The following LRRC9 variants were observed in gnomAD, a reference collection of about 807,000 sequenced individuals.
The protein encoded by LRRC9 is leucine rich repeat containing 9.
LRRC9 carries 122 observed loss-of-function variants against 63.2 expected under a neutral mutation model. That is an observed-to-expected ratio of 1.93 (90% CI 1.67 to 2.24). LRRC9 has a LOEUF of 2.24. Ranked by LOEUF, LRRC9 falls within the 30% of genes most tolerant of loss-of-function variation. The probability of loss-of-function intolerance (pLI) is 0.00; values close to 1 mark genes in which losing one functional copy is unlikely to be tolerated. For synonymous variants in LRRC9, 366 were observed against 213.1 expected (o/e 1.72, Z -6.25); for missense variants, 1,071 against 627.7 (o/e 1.71, Z -7.55).
At chr14:60,015,442 C>T (rs77046458) in intron 23 of LRRC9, among the ~76,000 whole-genome samples, 2 of 152,078 alleles carry the variant, frequency 1.3e-5, no homozygotes, top group East Asian at 1.9e-4. Flanking sequence ...AGTGAGAAGA[C>T]GAGGAACAAC....
In LRRC9 at chr14:59,930,399, T is replaced by A. The variant is rs1889597227; in HGVS notation, c.268-519T>A. ...AAGCTACTTGTTGCAGCATTATTTA[T>A]AACTAAAAATTTGAAACATAAATAT... On this transcript the variant is annotated intron_variant, in intron 3 of 31. Transcript: ENST00000445360. The surrounding 1 kb of genome is among the most constrained non-coding windows in gnomAD (Gnocchi z 4.9). Among the ~76,000 whole-genome samples, 1 of 152,044 alleles carries A rather than the reference T, an allele frequency of 6.6e-6. No homozygotes were observed. Among genetic ancestry groups the A allele is most frequent in the South Asian group, 2.1e-4 (1 of 4,834 alleles).
At chr14:59,931,827 C>T (rs1889727701) in intron 5 of LRRC9, 142 bp from the exon 6 acceptor site, 1 of 606,862 alleles carries the variant, frequency 1.6e-6, no homozygotes, top group African/African-American at 1.9e-5. Flanking sequence ...AAATATTACT[C>T]ATTAATCAGT....
intron 6 of LRRC9, among the ~76,000 whole-genome samples, chr14:59,935,289 G>T (rs1315322671): frequency 1.7e-5 from 2 of 119,592 alleles, no homozygotes; most frequent in Admixed American, 8.5e-5. Context: ...GTGAGACTAG[G>T]TCTCAAAAAA....
chr14:59,993,175 G>C (rs975949119), intron 17 of LRRC9, among the ~76,000 whole-genome samples: 1 of 152,166 alleles, frequency 6.6e-6, no homozygotes, highest in Non-Finnish European at 1.5e-5. Flanking sequence ...TTAAAGAAAA[G>C]AATTTTCAAC....
rs922283976 is a variant in LRRC9, at chr14:59,919,956, A to C, written c.-34+73A>C. ...GCTCCCGCCGTTTCCCAGGAGCCCC[A>C]GGTGGGGTCTTCCGGTTGGACCCCT... On this transcript the variant is annotated intron_variant, in intron 1 of 31. Coordinates refer to ENST00000445360, the Ensembl canonical transcript of LRRC9. This position sits in a 1 kb window ranked among gnomAD's most constrained non-coding sequence, Gnocchi z 4.5. 3.3e-5 allele frequency: 5 copies of C among 152,244 alleles called. No homozygotes were observed. Among genetic ancestry groups the C allele is most frequent in the Admixed American group, 3.3e-4 (5 of 15,290 alleles). The allele number at this position is 152,244 out of a possible 1,614,324, so 9.4% of individuals were successfully genotyped here.
chr14:59,982,581 C>T (rs765497259), intron 16 of LRRC9, among the ~76,000 whole-genome samples: 9 of 151,998 alleles, frequency 5.9e-5, no homozygotes, highest in Non-Finnish European at 1.3e-4. Flanking sequence ...AGATAATAGA[C>T]CCACTCCTCT....
At chr14:60,007,296 T>C (rs1360125166) in intron 22 of LRRC9, among the ~76,000 whole-genome samples, 7 of 152,288 alleles carry the variant, frequency 4.6e-5, no homozygotes, top group African/African-American at 1.7e-4. Context: ...GGCAACCTAA[T>C]CAACAACACC....
chr14:59,944,535 AT>A (rs1435530924), intron 7 of LRRC9, 53 bp from the exon 8 acceptor site: 3 of 530,286 alleles, frequency 5.7e-6, no homozygotes, highest in Non-Finnish European at 9.8e-6. Context: ...ACCACTAACA[AT>A]TGCCTATAAT....
chr14:59,964,966 A>T lies in LRRC9; in HGVS notation c.1212-1623A>T, dbSNP rs542182034. 6.6e-6 allele frequency among the ~76,000 whole-genome samples: 1 copy of T among 152,332 alleles called. No individual in the cohort carries two copies. Among genetic ancestry groups the T allele is most frequent in the Admixed American group, 6.5e-5 (1 of 15,300 alleles). ...TATAGATGCCCTAAGTTAGGAGCTC[A>T]GCTATTAGGCTCAAGGAGAGACTAC... is the stretch of plus-strand genomic sequence containing the variant. On this transcript the variant is annotated intron_variant, in intron 10 of 31. Coordinates refer to ENST00000445360, the Ensembl canonical transcript of LRRC9. The surrounding 1 kb of genome is among the most constrained non-coding windows in gnomAD (Gnocchi z 4.4).
intron 8 of LRRC9, among the ~76,000 whole-genome samples, chr14:59,954,473 G>A (rs1883516158): frequency 6.6e-6 from 1 of 152,106 alleles, no homozygotes; most frequent in Non-Finnish European, 1.5e-5. Flanking sequence ...TCTATTATTG[G>A]TGTATAGGAA....
intron 25 of LRRC9, 131 bp downstream of exon 25, chr14:60,018,610 G>GT (rs902866787): frequency 9.4e-6 from 4 of 426,310 alleles, no homozygotes; most frequent in African/African-American, 4.3e-5. Flanking sequence ...GTTTTTTTTT[G>GT]TTTTTTACTA....
At chr14:60,008,868 T>C (rs1054392709) in intron 23 of LRRC9, among the ~76,000 whole-genome samples, 1 of 152,164 alleles carries the variant, frequency 6.6e-6, no homozygotes, top group Non-Finnish European at 1.5e-5. Flanking sequence ...TAGTTCATGA[T>C]CATTTAGTAT....
chr14:59,979,804 C>CT (rs1198677140), intron 15 of LRRC9, among the ~76,000 whole-genome samples: 1 of 110,284 alleles, frequency 9.1e-6, no homozygotes, highest in African/African-American at 3.7e-5. Context: ...ACATCACACT[C>CT]TGGGGACTGT....
intron 4 of LRRC9, 147 bp downstream of exon 4, chr14:59,931,205 T>C (rs1889675609): frequency 3.4e-6 from 1 of 295,192 alleles, no homozygotes; most frequent in South Asian, 9.6e-5. Flanking sequence ...AACATGTATA[T>C]AGCATTTTAT....
rs1334224407 is a variant in LRRC9, at chr14:60,018,839, C to G, written c.3427-282C>G. On this transcript the variant is annotated intron_variant, in intron 25 of 31. Coordinates refer to ENST00000445360, the Ensembl canonical transcript of LRRC9. ...CTTTTAAACATAGGTAAATAGCTGT[C>G]TTTTCGACTAAAAATTATTTCATCC... Among the ~76,000 whole-genome samples, 6 of 151,908 alleles carry G rather than the reference C, an allele frequency of 3.9e-5. No individual in the cohort carries two copies. The East Asian group carries it at 1.2e-3, about 29-fold the overall frequency.
At chr14:60,046,349 G>C (rs550870577) in intron 29 of LRRC9, among the ~76,000 whole-genome samples, 1 of 152,118 alleles carries the variant, frequency 6.6e-6, no homozygotes, top group African/African-American at 2.4e-5. Flanking sequence ...CATTGCCTGT[G>C]CCTATGTCCT....
At chr14:59,960,920 A>G (rs774376573) in exon 10 of LRRC9, 2 of 667,822 alleles carry the variant, frequency 3.0e-6, no homozygotes, top group South Asian at 3.3e-5. Context: ...ATAGAATTGA[A>G]GCAATTTATC....
Position 59,974,727 on chromosome 14 carries a change from T to A in LRRC9, c.1639+19T>A, listed in dbSNP as rs1037974818. 1 of 624,494 alleles carries A rather than the reference T, an allele frequency of 1.6e-6. No homozygotes were observed. Among genetic ancestry groups the A allele is most frequent in the Non-Finnish European group, 2.8e-6 (1 of 351,706 alleles). 38.7% of individuals were successfully genotyped at this position (624,494 alleles called of 1,614,324 possible). A position where few individuals can be genotyped will look rare whatever the true frequency, so the allele number is the denominator to read the frequency against. On this transcript the variant is annotated intron_variant, in intron 13 of 31. Transcript: ENST00000445360. ...AGACATGGTAAATACAAATATGCCA[T>A]GTTTCTGAACTTTTAAGTTCTGTCT...
In LRRC9 at chr14:60,053,420, CAT is replaced by C. The variant is rs1555389141; in HGVS notation, c.4131+222_4131+223del. ...ACACACACACACACACACACACACA[CAT>C]ATATATGTAAGTCAGGGAACATCCT... On this transcript the variant is annotated intron_variant, in intron 30 of 31. Coordinates refer to ENST00000445360, the Ensembl canonical transcript of LRRC9. This position sits in a 1 kb window ranked among gnomAD's most constrained non-coding sequence, Gnocchi z 4.8. 0.044 allele frequency among the ~76,000 whole-genome samples: 1,017 copies of C among 22,890 alleles called. 12 individuals carry two copies. Among genetic ancestry groups the C allele is most frequent in the South Asian group, 0.1 (134 of 1,336 alleles). 15.0% of individuals were successfully genotyped at this position (22,890 alleles called of 152,430 possible). A position where few individuals can be genotyped will look rare whatever the true frequency, so the allele number is the denominator to read the frequency against.
Sources: gnomAD v4.1 joint callset for allele counts (sites outside exome capture counted in the v4.1 genomes callset) on GRCh38, gnomAD v4.1.1 for gene constraint, Gnocchi (gnomAD v3.1) non-coding constraint, MANE v1.5 for transcripts, NCBI Gene and HGNC (gene_info 2026-07-23, HGNC 2026-07-21) for gene names.